Variants in UNC13B observed in about 807,000 individuals in gnomAD.
The protein encoded by UNC13B is protein unc-13 homolog B.
In UNC13B, 144 loss-of-function variants were observed where a neutral mutation model predicts 211.0. The ratio of observed to expected loss-of-function variants is 0.68; its 90% CI spans 0.60 to 0.78. The LOEUF (loss-of-function observed/expected upper bound fraction) is 0.78, where lower values mean the gene tolerates loss of function less well. Among genes scored for constraint, UNC13B ranks in the 30% least tolerant of loss-of-function variants. The pLI, the probability that UNC13B is intolerant of heterozygous loss-of-function variation, is 0.00. For synonymous variants in UNC13B, 709 were observed against 725.8 expected (o/e 0.98, Z 0.37); for missense variants, 1,777 against 2,002.0 (o/e 0.89, Z 2.14).
chr9:35,255,002 AT>A (rs1253968416), intron 6 of UNC13B, among the ~76,000 whole-genome samples: 2 of 120,716 alleles, frequency 1.7e-5, no homozygotes, highest in African/African-American at 6.4e-5. Context: ...ATTATATTAT[AT>A]TATATATTAA....
intron 11 of UNC13B, chr9:35,364,596 T>G: frequency 6.5e-7 from 1 of 1,534,402 alleles, no homozygotes; most frequent in Non-Finnish European, 8.7e-7. Context: ...TGGGTCGTCC[T>G]TTTTTGTCTA....
chr9:35,385,936 C>G (rs1197326548), intron 23 of UNC13B, 123 bp downstream of exon 23: 2 of 1,406,176 alleles, frequency 1.4e-6, no homozygotes, highest in Non-Finnish European at 9.6e-7. Flanking sequence ...GCTTACATTT[C>G]TGTGTACCTG....
At chr9:35,180,140 G>A (rs1821855308) in intron 1 of UNC13B, among the ~76,000 whole-genome samples, 1 of 152,182 alleles carries the variant, frequency 6.6e-6, no homozygotes, top group African/African-American at 2.4e-5. Flanking sequence ...AACCTTAACT[G>A]TGTTTACTTT....
At chr9:35,176,418 G>A (rs1821636989) in intron 1 of UNC13B, among the ~76,000 whole-genome samples, 2 of 152,116 alleles carry the variant, frequency 1.3e-5, no homozygotes, top group Middle Eastern at 3.4e-3. Flanking sequence ...CGTGGTGGCA[G>A]GCGCCTGTAA....
intron 11 of UNC13B, among the ~76,000 whole-genome samples, chr9:35,343,751 A>G (rs1418576827): frequency 1.3e-5 from 2 of 151,878 alleles, no homozygotes; most frequent in Non-Finnish European, 2.9e-5. Context: ...AGAATTCTAG[A>G]CCCATGCTGT....
At chr9:35,255,039 AT>A (rs1826779404) in intron 6 of UNC13B, among the ~76,000 whole-genome samples, 3 of 119,084 alleles carry the variant, frequency 2.5e-5, no homozygotes, top group Non-Finnish European at 3.3e-5. Flanking sequence ...TATAATATAT[AT>A]TATATATAAT....
At chr9:35,258,372 A>G (rs1201100623) in intron 6 of UNC13B, among the ~76,000 whole-genome samples, 1 of 152,126 alleles carries the variant, frequency 6.6e-6, no homozygotes, top group Non-Finnish European at 1.5e-5. Flanking sequence ...TTTGGACATA[A>G]TTCTTTTCCT....
intron 7 of UNC13B, among the ~76,000 whole-genome samples, chr9:35,268,705 C>T (rs1827712034): frequency 6.6e-6 from 1 of 152,094 alleles, no homozygotes; most frequent in African/African-American, 2.4e-5. Context: ...CAATTTGTCC[C>T]TTTATTTGTG....
chr9:35,319,884 C>T (rs1249914345), intron 11 of UNC13B, among the ~76,000 whole-genome samples: 1 of 152,106 alleles, frequency 6.6e-6, no homozygotes, highest in Admixed American at 6.5e-5. Context: ...TGGTCTTGAA[C>T]TCCTGGCCTC....
rs773644789 is a variant in UNC13B, at chr9:35,384,281, C to A, written c.10842C>A (p.His3614Gln). 6.2e-7 allele frequency: 1 copy of A among 1,613,940 alleles called. No homozygotes were observed. The highest frequency in any genetic ancestry group is 1.3e-5 in the African/African-American group (1 of 74,912). ...TTGTAAAACTGCTGGACCAGCTACA[C>A]AACTCACTGAGGATCGACCTCTCTA... ...ERFVKLLDQL[H>Q]NSLRIDLSTY... Residue 3614 changes from histidine (H) to glutamine (Q), a missense_variant, in exon 22 of 40, where the codon CAC (histidine) becomes CAA (glutamine). By Grantham distance (24) the His-to-Gln change is conservative (BLOSUM62 0). Transcript: ENST00000635942.
intron 1 of UNC13B, among the ~76,000 whole-genome samples, chr9:35,199,822 T>C (rs1372198834): frequency 6.6e-6 from 1 of 152,062 alleles, no homozygotes; most frequent in East Asian, 1.9e-4. Context: ...TTTCTTTTGC[T>C]GTGCAGAAGC....
chr9:35,357,527 T>C (rs917889072), intron 11 of UNC13B, among the ~76,000 whole-genome samples: 5 of 151,904 alleles, frequency 3.3e-5, no homozygotes, highest in African/African-American at 1.2e-4. Flanking sequence ...ATTCTGTGGG[T>C]TGTCTTTTCA....
chr9:35,382,384 C>T lies in UNC13B; in HGVS notation c.10683C>T (p.Tyr3561=), dbSNP rs1834907299. 6.2e-7 allele frequency: 1 copy of T among 1,613,730 alleles called. No individual in the cohort carries two copies. The highest frequency in any genetic ancestry group is 8.5e-7 in the Non-Finnish European group (1 of 1,179,932). ...ACTTTGCATGTTTATCATCCAAGTA[C>T]ATGTGTCCTGGTGTGCCAGCAGTGA... is the stretch of plus-strand genomic sequence containing the variant. ...MTHFACLSSK[Y]MCPGVPAVMS... The change falls in exon 21 of 40, where the codon TAC becomes TAT. Residue 3561 remains tyrosine, a synonymous_variant. Transcript: ENST00000635942.
rs939763961 is a variant in UNC13B at position 35,371,775 on chromosome 9, G to A, written c.9540+1379G>A. On this transcript the variant is annotated intron_variant, in intron 13 of 39. Coordinates refer to ENST00000635942, the MANE Select transcript of UNC13B (RefSeq NM_001371189.2). ...GGCTTTGGGTCCTGGCCAGTGGTCT[G>A]GGTTGAAGACAGTTTTTAGTGGACA... Among the ~76,000 whole-genome samples, 5 of 152,258 alleles carry A rather than the reference G, an allele frequency of 3.3e-5. No homozygotes were observed. In the Middle Eastern group the frequency reaches 0.017, roughly 518 times the overall value.
intron 11 of UNC13B, among the ~76,000 whole-genome samples, chr9:35,341,634 G>A (rs1182934024): frequency 6.6e-6 from 1 of 152,166 alleles, no homozygotes; most frequent in Non-Finnish European, 1.5e-5. Flanking sequence ...GGAAAAGAAA[G>A]CAGGGAGGAG....
chr9:35,270,047 C>T (rs1343163710), intron 7 of UNC13B, among the ~76,000 whole-genome samples: 1 of 152,178 alleles, frequency 6.6e-6, no homozygotes, highest in Non-Finnish European at 1.5e-5. Context: ...TGACCACTTC[C>T]TTCCTTCCTT....
At chr9:35,364,717 C>G in intron 11 of UNC13B, 1 of 957,858 alleles carries the variant, frequency 1.0e-6, no homozygotes, top group African/African-American at 1.7e-5. Context: ...CTCATGCAGT[C>G]TATTTTTCTG....
intron 6 of UNC13B, among the ~76,000 whole-genome samples, chr9:35,256,586 T>A (rs889394174): frequency 2.6e-5 from 4 of 152,212 alleles, no homozygotes; most frequent in African/African-American, 9.6e-5. Flanking sequence ...ATCTGTTTGA[T>A]CACATAGTTT....
chr9:35,209,738 A>G (rs772250259), intron 1 of UNC13B, among the ~76,000 whole-genome samples: 8 of 152,204 alleles, frequency 5.3e-5, no homozygotes, highest in Admixed American at 2.6e-4. Context: ...GCTGTTTTTC[A>G]TTCCCTTTTC....
Sources: gnomAD v4.1 joint callset for allele counts (sites outside exome capture counted in the v4.1 genomes callset) on GRCh38, gnomAD v4.1.1 for gene constraint, MANE v1.5 for transcripts, NCBI Gene and HGNC (gene_info 2026-07-23, HGNC 2026-07-21) for gene names.